ARSJ: variants seen among roughly 807,000 people sequenced by gnomAD.
ARSJ encodes arylsulfatase J.
A neutral mutation model predicts 35.9 loss-of-function variants in ARSJ; 26 were observed. The ratio of observed to expected loss-of-function variants is 0.72; its 90% CI spans 0.53 to 1.00. The LOEUF is 1.00. Ranked by LOEUF, ARSJ falls within the 50% of genes least tolerant of loss-of-function variation. ARSJ has a pLI of 0.00. For missense variants in ARSJ, 667 were observed against 723.6 expected, an observed-to-expected ratio of 0.92 and a Z score of 0.90; for synonymous variants, 294 against 267.6, an observed-to-expected ratio of 1.10 and a Z score of -0.96.
intron 1 of ARSJ, among the ~76,000 whole-genome samples, chr4:113,964,718 G>A (rs1317152222): frequency 1.3e-5 from 2 of 151,954 alleles, no homozygotes; most frequent in African/African-American, 2.4e-5. Flanking sequence ...AAACTCTACC[G>A]CAGTGTTATT....
intron 1 of ARSJ, among the ~76,000 whole-genome samples, chr4:113,950,367 G>A (rs920358809): frequency 1.3e-5 from 2 of 152,058 alleles, no homozygotes; most frequent in Admixed American, 6.6e-5. Flanking sequence ...GCTGGTGAAG[G>A]GAAAAGCTAT....
intron 1 of ARSJ, among the ~76,000 whole-genome samples, chr4:113,976,236 T>C (rs1009716108): frequency 6.6e-6 from 1 of 152,228 alleles, no homozygotes; most frequent in Non-Finnish European, 1.5e-5. Flanking sequence ...CATGTGAAGA[T>C]ATTTGAATCA....
intron 1 of ARSJ, among the ~76,000 whole-genome samples, chr4:113,960,964 A>T (rs1488266003): frequency 6.6e-6 from 1 of 152,136 alleles, no homozygotes; most frequent in Non-Finnish European, 1.5e-5. Context: ...AAAGTGACAC[A>T]TTGAAAAAGA....
chr4:113,937,633 G>C (rs886336599), intron 1 of ARSJ, among the ~76,000 whole-genome samples: 1 of 152,050 alleles, frequency 6.6e-6, no homozygotes, highest in African/African-American at 2.4e-5. Flanking sequence ...CCTATATCTA[G>C]AAAACCCCAT....
At chr4:113,925,081 A>G (rs1367904228) in intron 1 of ARSJ, among the ~76,000 whole-genome samples, 2 of 152,196 alleles carry the variant, frequency 1.3e-5, no homozygotes, top group South Asian at 2.1e-4. Flanking sequence ...TCCTGTATCC[A>G]TGCATACCTC....
At chr4:113,938,388 T>G (rs934909640) in intron 1 of ARSJ, among the ~76,000 whole-genome samples, 1 of 151,864 alleles carries the variant, frequency 6.6e-6, no homozygotes, top group Non-Finnish European at 1.5e-5. Context: ...AAAAATTAAC[T>G]CAAGATGGAT....
At chr4:113,943,557 A>G (rs556891724) in intron 1 of ARSJ, 8 of 152,124 alleles carry the variant, frequency 5.3e-5, no homozygotes, top group Admixed American at 2.0e-4. Context: ...GAGCCAGATG[A>G]TAAAAAAATT....
chr4:113,973,340 A>T (rs1299163669), intron 1 of ARSJ, among the ~76,000 whole-genome samples: 4 of 152,202 alleles, frequency 2.6e-5, no homozygotes, highest in African/African-American at 9.7e-5. Flanking sequence ...CATTTCAATG[A>T]CATCCAGACA....
At chr4:113,961,897 CTGTGTGTGTGTGTG>C (rs60701922) in intron 1 of ARSJ, among the ~76,000 whole-genome samples, 49,555 of 147,854 alleles carry the variant, frequency 0.34, 8,350 homozygotes, top group Middle Eastern at 0.44. Flanking sequence ...CTCTCTCTCT[CTGTGTGTGTGTGTG>C]TGTGTGTGTG....
intron 1 of ARSJ, among the ~76,000 whole-genome samples, chr4:113,931,076 G>A (rs1594435624): frequency 6.6e-6 from 1 of 151,822 alleles, no homozygotes; most frequent in Non-Finnish European, 1.5e-5. Flanking sequence ...CCTAATGCTA[G>A]ATGACGAGTT....
intron 1 of ARSJ, among the ~76,000 whole-genome samples, chr4:113,942,104 G>C (rs563165972): frequency 1.3e-5 from 2 of 152,040 alleles, no homozygotes; most frequent in African/African-American, 4.8e-5. Context: ...AAGAGCCCAA[G>C]AGTGTAAGAA....
intron 1 of ARSJ, among the ~76,000 whole-genome samples, chr4:113,932,657 CA>C (rs1267822083): frequency 6.6e-6 from 1 of 151,862 alleles, no homozygotes; most frequent in Admixed American, 6.6e-5. Flanking sequence ...TTTCTCCAAA[CA>C]AATGAAAACT....
At chr4:113,941,150 T>C (rs1218228991) in intron 1 of ARSJ, among the ~76,000 whole-genome samples, 1 of 152,036 alleles carries the variant, frequency 6.6e-6, no homozygotes, top group Non-Finnish European at 1.5e-5. Flanking sequence ...GAATGAGTTC[T>C]TTCTAGATGT....
intron 1 of ARSJ, among the ~76,000 whole-genome samples, chr4:113,958,868 T>C (rs1726362438): frequency 6.6e-6 from 1 of 152,004 alleles, no homozygotes; most frequent in Non-Finnish European, 1.5e-5. Flanking sequence ...AAATATCCTC[T>C]CTTGGAACCC....
chr4:113,953,009 T>C (rs1272553944), intron 1 of ARSJ, among the ~76,000 whole-genome samples: 1 of 152,092 alleles, frequency 6.6e-6, no homozygotes, highest in Non-Finnish European at 1.5e-5. Context: ...CTACTATATA[T>C]CTAGCAATGA....
intron 1 of ARSJ, among the ~76,000 whole-genome samples, chr4:113,969,879 G>A (rs1271465124): frequency 6.6e-6 from 1 of 152,196 alleles, no homozygotes; most frequent in Admixed American, 6.5e-5. Context: ...TGAGATTTAT[G>A]GAGATTATAA....
At chr4:113,921,009 G>A (rs183120646) in intron 1 of ARSJ, among the ~76,000 whole-genome samples, 11 of 151,512 alleles carry the variant, frequency 7.3e-5, no homozygotes, top group Non-Finnish European at 1.2e-4. Flanking sequence ...GGACTGTATA[G>A]GTGCTGCATG....
chr4:113,924,076 AATATATAT>A (rs1164333093), intron 1 of ARSJ, among the ~76,000 whole-genome samples: 18 of 95,716 alleles, frequency 1.9e-4, no homozygotes, highest in East Asian at 7.9e-4. Flanking sequence ...AATATATATA[AATATATAT>A]ATATATATAT....
chr4:113,919,948 G>GCTT (rs78201846), intron 1 of ARSJ, among the ~76,000 whole-genome samples: 3 of 148,560 alleles, frequency 2.0e-5, no homozygotes, highest in Non-Finnish European at 4.5e-5. Context: ...TTTTATTAAA[G>GCTT]ATTTTTTTTT....
Sources: gnomAD v4.1 joint callset for allele counts (sites outside exome capture counted in the v4.1 genomes callset) on GRCh38, gnomAD v4.1.1 for gene constraint, MANE v1.5 for transcripts, NCBI Gene and HGNC (gene_info 2026-07-23, HGNC 2026-07-21) for gene names.